PSAT1: variants seen among roughly 807,000 people sequenced by gnomAD.
PSAT1 encodes phosphoserine aminotransferase 1, also known as phosphoserine aminotransferase.
A neutral mutation model predicts 40.3 loss-of-function variants in PSAT1; 41 were observed. The observed-to-expected ratio is 1.02, with a 90% confidence interval of 0.79 to 1.32. The LOEUF (loss-of-function observed/expected upper bound fraction) is 1.32, where lower values mean the gene tolerates loss of function less well. Ranked by LOEUF, PSAT1 falls within the 40% of genes most tolerant of loss-of-function variation. PSAT1 has a pLI of 0.00. For missense variants in PSAT1, 406 were observed against 455.8 expected (o/e 0.89, Z 0.99); for synonymous variants, 147 against 170.5 (o/e 0.86, Z 1.07).
At chr9:78,304,521 G>A (rs941331939) in intron 3 of PSAT1, among the ~76,000 whole-genome samples, 1 of 152,194 alleles carries the variant, frequency 6.6e-6, no homozygotes, top group Admixed American at 6.5e-5. Context: ...AGGTCAAACA[G>A]TAACCCTAGG....
chr9:78,305,423 C>T (rs1281873604), intron 4 of PSAT1, among the ~76,000 whole-genome samples: 1 of 152,174 alleles, frequency 6.6e-6, no homozygotes, highest in Non-Finnish European at 1.5e-5. Context: ...CCTATGCATA[C>T]TCTTCTTGCA....
intron 7 of PSAT1, among the ~76,000 whole-genome samples, chr9:78,324,026 C>T (rs927109139): frequency 6.6e-5 from 10 of 152,056 alleles, no homozygotes; most frequent in African/African-American, 2.2e-4. Context: ...GATGGGTGTC[C>T]CTGGCTGAAG....
chr9:78,311,047 C>A (rs1828260287), intron 6 of PSAT1, among the ~76,000 whole-genome samples: 1 of 152,158 alleles, frequency 6.6e-6, no homozygotes, highest in Admixed American at 6.6e-5. Flanking sequence ...CACCTCTAAA[C>A]CCTACTGTCT....
chr9:78,321,877 G>T (rs1377537572), intron 7 of PSAT1, among the ~76,000 whole-genome samples: 2 of 152,076 alleles, frequency 1.3e-5, no homozygotes, highest in African/African-American at 4.8e-5. Context: ...TCTTAAAATT[G>T]TCAAGAGAAT....
At chr9:78,308,302 G>A in intron 5 of PSAT1, 112 bp from the exon 6 acceptor site, 1 of 1,235,802 alleles carries the variant, frequency 8.1e-7, no homozygotes, top group Non-Finnish European at 1.2e-6. Flanking sequence ...CCCTACACAG[G>A]ATAGAGTCAT....
At chr9:78,305,780 G>C (rs2118641181) in intron 4 of PSAT1, among the ~76,000 whole-genome samples, 1 of 152,338 alleles carries the variant, frequency 6.6e-6, no homozygotes, top group African/African-American at 2.4e-5. Context: ...GTAGGTGAGG[G>C]CTGGGGTTCC....
intron 2 of PSAT1, 48 bp downstream of exon 2, chr9:78,300,710 C>CTTTTT (rs753207413): frequency 6.1e-5 from 68 of 1,107,664 alleles, no homozygotes; most frequent in East Asian, 1.8e-4. Flanking sequence ...TCAAAGGAAG[C>CTTTTT]TTTTTTTTTT....
In PSAT1 at chr9:78,322,813, C is replaced by G. The variant is rs532197679; in HGVS notation, c.869+5009C>G. ...ACCTTCATTAGTTCCTTAGGAAATG[C>G]AGATTAAACCCATGAGATATGTTTT... On this transcript the variant is annotated intron_variant, in intron 7 of 8. Transcript: ENST00000376588. Among the ~76,000 whole-genome samples, 3 of 152,276 alleles carry G rather than the reference C, an allele frequency of 2.0e-5. No individual in the cohort carries two copies. In the South Asian group the frequency reaches 6.2e-4, roughly 32 times the overall value.
intron 6 of PSAT1, among the ~76,000 whole-genome samples, chr9:78,315,840 C>T (rs1587642683): frequency 6.6e-6 from 1 of 152,180 alleles, no homozygotes; most frequent in Non-Finnish European, 1.5e-5. Flanking sequence ...TTTTCCAGAC[C>T]CCATAATGTC....
At chr9:78,311,618 G>T (rs533663273) in intron 6 of PSAT1, among the ~76,000 whole-genome samples, 1 of 152,058 alleles carries the variant, frequency 6.6e-6, no homozygotes, top group Non-Finnish European at 1.5e-5. Context: ...TGGATCACAA[G>T]GTCAGGAAAT....
chr9:78,305,092 C>T (rs1053943807), intron 4 of PSAT1, 152 bp downstream of exon 4: 16 of 711,804 alleles, frequency 2.2e-5, no homozygotes, highest in African/African-American at 5.4e-5. Flanking sequence ...AGACTAGAGC[C>T]TATGCATACT....
chr9:78,299,063 C>T (rs1338535622), intron 1 of PSAT1, among the ~76,000 whole-genome samples: 2 of 146,164 alleles, frequency 1.4e-5, no homozygotes, highest in East Asian at 2.0e-4. Flanking sequence ...TCTCTTGAGC[C>T]CAGGAGTTTG....
At chr9:78,318,143 A>G (rs755172180) in intron 7 of PSAT1, among the ~76,000 whole-genome samples, 2 of 152,140 alleles carry the variant, frequency 1.3e-5, no homozygotes, top group Non-Finnish European at 2.9e-5. Flanking sequence ...AAACAAATGT[A>G]CTTTCTGAAA....
At chr9:78,327,968 T>C (rs1564020853) in intron 7 of PSAT1, 83 bp from the exon 8 acceptor site, 4 of 1,481,886 alleles carry the variant, frequency 2.7e-6, no homozygotes, top group Non-Finnish European at 3.8e-6. Context: ...CTAGGAAGTG[T>C]TAAGAAAAAA....
intron 5 of PSAT1, among the ~76,000 whole-genome samples, chr9:78,307,856 A>G (rs1333106691): frequency 1.3e-5 from 2 of 152,204 alleles, no homozygotes; most frequent in East Asian, 3.9e-4. Context: ...CCTGGCCAAC[A>G]TGGTGAAACC....
At position 78,314,382 on chromosome 9, in the gene PSAT1, T is replaced by C. The variant is rs529065694; in HGVS notation, c.741-3294T>C. Among the ~76,000 whole-genome samples, 52 of 106,232 alleles carry C rather than the reference T, an allele frequency of 4.9e-4. 8 individuals carry two copies. The highest frequency in any genetic ancestry group is 9.0e-4 in the Non-Finnish European group (47 of 52,490). The allele number at this position is 106,232 out of a possible 152,430, so 69.7% of individuals were successfully genotyped here. The stretch of plus-strand genomic sequence containing the variant: ...GTGGGAGGGGAGGCAGGACCTCTTA[T>C]CCTGTGTTAAGTAGAGCCACAGGGG... On this transcript the variant is annotated intron_variant, in intron 6 of 8. Coordinates refer to ENST00000376588, the MANE Select transcript of PSAT1 (RefSeq NM_058179.4).
chr9:78,313,852 G>C (rs923196583), intron 6 of PSAT1, among the ~76,000 whole-genome samples: 5 of 152,058 alleles, frequency 3.3e-5, no homozygotes, highest in African/African-American at 1.2e-4. Flanking sequence ...TCAATATGTT[G>C]TCCAGGCTGG....
At chr9:78,317,875 T>G in intron 7 of PSAT1, 71 bp downstream of exon 7, 1 of 1,512,442 alleles carries the variant, frequency 6.6e-7, no homozygotes, top group Non-Finnish European at 9.2e-7. Context: ...TGTGTACCTT[T>G]GAAAAGTGGA....
At chr9:78,309,743 G>A (rs1417648652) in intron 6 of PSAT1, among the ~76,000 whole-genome samples, 3 of 152,212 alleles carry the variant, frequency 2.0e-5, no homozygotes, top group Admixed American at 2.0e-4. Context: ...CTGCGTTGCA[G>A]CACTTCAGGA....
Sources: gnomAD v4.1 joint callset for allele counts (sites outside exome capture counted in the v4.1 genomes callset) on GRCh38, gnomAD v4.1.1 for gene constraint, MANE v1.5 for transcripts, NCBI Gene and HGNC (gene_info 2026-07-23, HGNC 2026-07-21) for gene names.